Variants in DPP10 observed in about 807,000 individuals in gnomAD.
DPP10 encodes dipeptidyl peptidase like 10.
DPP10 carries 33 observed loss-of-function variants against 120.9 expected under a neutral mutation model. The ratio of observed to expected loss-of-function variants is 0.27; its 90% confidence interval spans 0.21 to 0.37. The LOEUF is 0.37. Among genes scored for constraint, DPP10 ranks in the 10% least tolerant of loss-of-function variants. The pLI, the probability that DPP10 is intolerant of heterozygous loss-of-function variation, is 1.00. For missense variants in DPP10, 816 were observed against 942.8 expected, an observed-to-expected ratio of 0.87 and a Z score of 1.76; for synonymous variants, 337 against 326.1, an observed-to-expected ratio of 1.03 and a Z score of -0.36.
chr2:114,962,017 T>C (rs1473508114), intron 1 of DPP10, among the ~76,000 whole-genome samples: 1 of 152,178 alleles, frequency 6.6e-6, no homozygotes, highest in Non-Finnish European at 1.5e-5. Flanking sequence ...ATTACTATAG[T>C]TGCTGCTGTT....
At chr2:115,737,091 T>C (rs753265741) in intron 8 of DPP10, among the ~76,000 whole-genome samples, 4 of 152,160 alleles carry the variant, frequency 2.6e-5, no homozygotes, top group Non-Finnish European at 5.9e-5. Flanking sequence ...GATTCTAGTA[T>C]GGAGCCTACC....
intron 19 of DPP10, among the ~76,000 whole-genome samples, chr2:115,810,462 A>G (rs1686515885): frequency 6.6e-6 from 1 of 152,110 alleles, no homozygotes; most frequent in African/African-American, 2.4e-5. Context: ...TAAAGAGGTG[A>G]CTTGTTCTGT....
intron 1 of DPP10, among the ~76,000 whole-genome samples, chr2:114,789,843 A>C (rs898811256): frequency 1.3e-5 from 2 of 152,224 alleles, no homozygotes; most frequent in Non-Finnish European, 2.9e-5. Context: ...CCAGAGAAGA[A>C]TAAATTCCAG....
At chr2:115,575,665 A>T (rs1190363289) in intron 5 of DPP10, among the ~76,000 whole-genome samples, 3 of 152,048 alleles carry the variant, frequency 2.0e-5, no homozygotes, top group African/African-American at 7.2e-5. Context: ...CAGAATAATG[A>T]TCCCCCAAAA....
intron 12 of DPP10, 69 bp from the exon 13 acceptor site, chr2:115,768,226 AAT>A: frequency 7.6e-7 from 1 of 1,314,626 alleles, no homozygotes; most frequent in Non-Finnish European, 1.1e-6. Context: ...CCCATGCAGG[AAT>A]TAACAGTAGT....
chr2:114,449,977 G>A (rs1289897077), intron 1 of DPP10, among the ~76,000 whole-genome samples: 1 of 152,064 alleles, frequency 6.6e-6, no homozygotes, highest in Non-Finnish European at 1.5e-5. Flanking sequence ...AAGAAGATTG[G>A]ATTCAAATGT....
intron 3 of DPP10, among the ~76,000 whole-genome samples, chr2:115,391,378 A>G (rs1195989660): frequency 6.6e-6 from 1 of 152,154 alleles, no homozygotes; most frequent in South Asian, 2.1e-4. Flanking sequence ...ATTCTATCTT[A>G]TGGTAGCTAA....
At chr2:114,485,774 T>C (rs943876182) in intron 1 of DPP10, among the ~76,000 whole-genome samples, 5 of 152,130 alleles carry the variant, frequency 3.3e-5, no homozygotes, top group Non-Finnish European at 7.3e-5. Context: ...CTTGCATTAC[T>C]AAACTCTCAA....
chr2:115,094,071 C>T (rs1212380900), intron 1 of DPP10, among the ~76,000 whole-genome samples: 1 of 152,024 alleles, frequency 6.6e-6, no homozygotes, highest in Non-Finnish European at 1.5e-5. Context: ...TTTTCAGGGG[C>T]ATCTAGTAAC....
At chr2:115,777,418 A>G (rs1036849645) in intron 14 of DPP10, 119 bp downstream of exon 14, 2 of 858,714 alleles carry the variant, frequency 2.3e-6, no homozygotes, top group Non-Finnish European at 3.6e-6. Flanking sequence ...CCATGGAAAG[A>G]ATAACCTTTC....
chr2:114,903,818 A>G (rs534103652), intron 1 of DPP10, among the ~76,000 whole-genome samples: 2 of 152,272 alleles, frequency 1.3e-5, no homozygotes, highest in South Asian at 2.1e-4. Flanking sequence ...CCATGCACAT[A>G]CATCAAGGAA....
At chr2:114,888,655 C>T (rs1448010860) in intron 1 of DPP10, among the ~76,000 whole-genome samples, 1 of 152,170 alleles carries the variant, frequency 6.6e-6, no homozygotes. Context: ...AATCTGCCCA[C>T]TTAAAAAGTT....
intron 3 of DPP10, among the ~76,000 whole-genome samples, chr2:115,470,281 A>C (rs2074618264): frequency 6.6e-6 from 1 of 152,208 alleles, no homozygotes; most frequent in Non-Finnish European, 1.5e-5. Context: ...CAGGGCAGAC[A>C]TGTTGGTAAA....
At chr2:114,508,222 A>T (rs1211787720) in intron 1 of DPP10, among the ~76,000 whole-genome samples, 2 of 152,206 alleles carry the variant, frequency 1.3e-5, no homozygotes, top group African/African-American at 2.4e-5. Flanking sequence ...CCATCACCCT[A>T]AAACATTTCC....
intron 7 of DPP10, among the ~76,000 whole-genome samples, chr2:115,713,772 C>T (rs2092404787): frequency 6.6e-6 from 1 of 152,158 alleles, no homozygotes; most frequent in Non-Finnish European, 1.5e-5. Flanking sequence ...TTTTTCCCCT[C>T]TTTGGATTAC....
At chr2:114,993,588 ATATATAT>A in intron 1 of DPP10, among the ~76,000 whole-genome samples, 1 of 136,508 alleles carries the variant, frequency 7.3e-6, no homozygotes, top group Non-Finnish European at 1.5e-5. Flanking sequence ...GTGTATATAT[ATATATAT>A]ATATATATAT....
At chr2:115,495,365 G>GGAAAAAAAA (rs10649835) in intron 3 of DPP10, among the ~76,000 whole-genome samples, 3 of 82,242 alleles carry the variant, frequency 3.6e-5, no homozygotes, top group East Asian at 9.2e-4. Flanking sequence ...GCCATTTTCT[G>GGAAAAAAAA]AAAAAAAAAA....
intron 1 of DPP10, among the ~76,000 whole-genome samples, chr2:114,608,488 A>G (rs928768692): frequency 2.6e-5 from 4 of 152,190 alleles, no homozygotes; most frequent in African/African-American, 4.8e-5. Flanking sequence ...TTCTATTTCT[A>G]TCATATTTAT....
At chr2:115,754,877 T>A (rs537563069) in intron 11 of DPP10, among the ~76,000 whole-genome samples, 2 of 152,264 alleles carry the variant, frequency 1.3e-5, no homozygotes, top group Admixed American at 6.5e-5. Context: ...TTATTGCACC[T>A]TGTATACAGG....
Sources: allele counts gnomAD v4.1 joint callset (sites outside exome capture counted in the v4.1 genomes callset), GRCh38; gene constraint gnomAD v4.1.1; transcripts MANE v1.5; gene names NCBI Gene and HGNC (gene_info 2026-07-23, HGNC 2026-07-21).